Variants in CNTNAP2 observed in about 807,000 individuals in gnomAD.
CNTNAP2 encodes the protein contactin-associated protein-like 2.
In CNTNAP2, 98 loss-of-function variants were observed where a neutral mutation model predicts 155.2. The observed-to-expected ratio is 0.63, with a 90% CI of 0.54 to 0.75. The LOEUF (loss-of-function observed/expected upper bound fraction) is 0.75, where lower values mean the gene tolerates loss of function less well. Among genes scored for constraint, CNTNAP2 ranks in the 30% least tolerant of loss-of-function variants. The pLI is 0.00. For synonymous variants in CNTNAP2, 651 were observed against 631.2 expected (o/e 1.03, Z -0.47); for missense variants, 1,727 against 1,688.1 (o/e 1.02, Z -0.40).
At chr7:148,256,986 G>A (rs1796466292) in intron 20 of CNTNAP2, among the ~76,000 whole-genome samples, 1 of 152,158 alleles carries the variant, frequency 6.6e-6, no homozygotes, top group Non-Finnish European at 1.5e-5. Context: ...ATTCCCAGAA[G>A]AAGCACAAAT....
intron 1 of CNTNAP2, among the ~76,000 whole-genome samples, chr7:146,337,707 C>T (rs771568169): frequency 6.6e-6 from 1 of 152,046 alleles, no homozygotes; most frequent in African/African-American, 2.4e-5. Context: ...TGGGTTCAAG[C>T]GGTTCTCCTG....
chr7:147,864,470 CA>C (rs1282410385), intron 13 of CNTNAP2, among the ~76,000 whole-genome samples: 1 of 151,128 alleles, frequency 6.6e-6, no homozygotes, highest in Non-Finnish European at 1.5e-5. Context: ...TGAAGAAAGT[CA>C]TTGGTAGCTT....
intron 7 of CNTNAP2, 69 bp from the exon 8 acceptor site, chr7:147,132,176 A>G: frequency 1.9e-6 from 3 of 1,589,884 alleles, no homozygotes; most frequent in Non-Finnish European, 2.6e-6. Flanking sequence ...CTATACTTTC[A>G]TCAGTGGTCT....
chr7:147,094,844 T>A (rs1389784962), intron 4 of CNTNAP2, among the ~76,000 whole-genome samples: 3 of 152,090 alleles, frequency 2.0e-5, no homozygotes, highest in Non-Finnish European at 4.4e-5. Context: ...CAGAATAATA[T>A]AAACTAGATA....
intron 1 of CNTNAP2, among the ~76,000 whole-genome samples, chr7:146,617,040 G>C (rs1429344317): frequency 1.1e-5 from 1 of 91,642 alleles, no homozygotes; most frequent in African/African-American, 4.9e-5. Context: ...TTTGTTTTGA[G>C]ACGGAGTCTC....
intron 15 of CNTNAP2, among the ~76,000 whole-genome samples, chr7:148,066,788 G>A (rs757429440): frequency 1.7e-4 from 26 of 152,106 alleles, no homozygotes; most frequent in Admixed American, 3.3e-4. Flanking sequence ...GTGAGCCACC[G>A]CGCCCAGCCT....
chr7:147,054,667 A>G (rs1209569118), intron 4 of CNTNAP2, among the ~76,000 whole-genome samples: 1 of 152,150 alleles, frequency 6.6e-6, no homozygotes, highest in Non-Finnish European at 1.5e-5. Context: ...TAGGGAGAGA[A>G]GAGCAAATAT....
chr7:146,361,370 A>C (rs1358074534), intron 1 of CNTNAP2, among the ~76,000 whole-genome samples: 2 of 152,146 alleles, frequency 1.3e-5, no homozygotes, highest in African/African-American at 4.8e-5. Flanking sequence ...GGGGTTCTGT[A>C]ACCAGTCCCC....
chr7:147,658,240 G>C (rs1011115716), intron 13 of CNTNAP2, among the ~76,000 whole-genome samples: 1 of 94,600 alleles, frequency 1.1e-5, no homozygotes, highest in Admixed American at 1.5e-4. Flanking sequence ...CTGGGAGACA[G>C]AGCGAGACTC....
chr7:147,063,287 A>G (rs1480378805), intron 4 of CNTNAP2, among the ~76,000 whole-genome samples: 1 of 152,188 alleles, frequency 6.6e-6, no homozygotes, highest in Non-Finnish European at 1.5e-5. Flanking sequence ...CTTGCATGTA[A>G]TAGATATTCT....
chr7:148,280,138 T>C (rs1796946317), intron 21 of CNTNAP2, among the ~76,000 whole-genome samples: 1 of 151,930 alleles, frequency 6.6e-6, no homozygotes, highest in Admixed American at 6.6e-5. Flanking sequence ...GTGAAATCTG[T>C]CTCTACTAAA....
intron 13 of CNTNAP2, among the ~76,000 whole-genome samples, chr7:147,715,793 C>G (rs1211920505): frequency 6.6e-6 from 1 of 151,962 alleles, no homozygotes; most frequent in Non-Finnish European, 1.5e-5. Flanking sequence ...AAGATTTTCT[C>G]CTATTTCTTT....
intron 12 of CNTNAP2, among the ~76,000 whole-genome samples, chr7:147,593,123 T>G (rs1289942213): frequency 6.6e-6 from 1 of 151,980 alleles, no homozygotes; most frequent in Non-Finnish European, 1.5e-5. Flanking sequence ...AGAATAACTT[T>G]CACTTAGGAG....
intron 16 of CNTNAP2, among the ~76,000 whole-genome samples, chr7:148,128,338 A>G (rs1804757607): frequency 6.6e-6 from 1 of 152,226 alleles, no homozygotes; most frequent in African/African-American, 2.4e-5. Context: ...CATAAGAAAA[A>G]AAACTATTCT....
At chr7:147,944,628 T>G (rs2707580) in intron 14 of CNTNAP2, among the ~76,000 whole-genome samples, 61,782 of 152,018 alleles carry the variant, frequency 0.41, 14,047 homozygotes, top group Middle Eastern at 0.65. Flanking sequence ...ATGGGGAAAA[T>G]TAAAATCGGT....
At chr7:147,003,372 T>A (rs1461577905) in intron 3 of CNTNAP2, among the ~76,000 whole-genome samples, 1 of 151,766 alleles carries the variant, frequency 6.6e-6, no homozygotes, top group African/African-American at 2.4e-5. Flanking sequence ...AAAGGGGCTA[T>A]AAACAAAAAG....
chr7:146,760,538 C>A (rs2129183917), intron 1 of CNTNAP2, among the ~76,000 whole-genome samples: 1 of 148,840 alleles, frequency 6.7e-6, no homozygotes, highest in Non-Finnish European at 1.5e-5. Flanking sequence ...CATCCTCCCA[C>A]CTTAGCCTCC....
intron 1 of CNTNAP2, among the ~76,000 whole-genome samples, chr7:146,546,010 C>A (rs1308096296): frequency 6.6e-6 from 1 of 151,796 alleles, no homozygotes; most frequent in Non-Finnish European, 1.5e-5. Flanking sequence ...GATCAGAATT[C>A]ATTTAGAAAT....
intron 13 of CNTNAP2, among the ~76,000 whole-genome samples, chr7:147,866,753 T>TG (rs1397176035): frequency 2.3e-5 from 2 of 88,050 alleles, no homozygotes; most frequent in Non-Finnish European, 5.0e-5. Flanking sequence ...AACCCCTGTT[T>TG]TTTTTTTGTT....
Sources: allele counts gnomAD v4.1 joint callset (sites outside exome capture counted in the v4.1 genomes callset), GRCh38; gene constraint gnomAD v4.1.1; transcripts MANE v1.5; gene names NCBI Gene and HGNC (gene_info 2026-07-23, HGNC 2026-07-21).